TBL1X: variants seen among roughly 807,000 people sequenced by gnomAD.
TBL1X encodes the protein transducin beta like 1 X-linked.
TBL1X carries 10 observed loss-of-function variants against 50.7 expected under a neutral mutation model. That is an observed-to-expected ratio of 0.20 (90% CI 0.12 to 0.33). TBL1X has a LOEUF of 0.33. TBL1X is among the 10% of genes least tolerant of loss of function. TBL1X has a pLI of 1.00. For synonymous variants in TBL1X, 190 were observed against 214.7 expected (o/e 0.88, Z 1.01); for missense variants, 340 against 504.4 (o/e 0.67, Z 3.12).
Position 9,603,519 on chromosome X carries a change from G to A in TBL1X, c.-130-36754G>A, listed in dbSNP as rs191934237. On this transcript the variant is annotated intron_variant, in intron 2 of 17. Coordinates refer to ENST00000645353, the MANE Select transcript of TBL1X (RefSeq NM_005647.4). ...CTTGTACACTCTCACAGAACACCGAGGGACACGGTGGAGGCACGCCGGACC... is the reference window on the plus strand; with the variant it reads ...CTTGTACACTCTCACAGAACACCGAAGGACACGGTGGAGGCACGCCGGACC... 2.7e-4 allele frequency among the ~76,000 whole-genome samples: 30 copies of A among 111,992 alleles called. No individual in the cohort carries two copies. The East Asian group carries it at 7.3e-3, about 27-fold the overall frequency.
chrX:9,606,930 A>C (rs992624209), intron 2 of TBL1X, among the ~76,000 whole-genome samples: 3 of 112,160 alleles, frequency 2.7e-5, no homozygotes, highest in Non-Finnish European at 5.6e-5. Context: ...TCCCTTTCAA[A>C]AGAACAAAAC....
intron 5 of TBL1X, among the ~76,000 whole-genome samples, chrX:9,683,244 C>A (rs929848077): frequency 8.9e-6 from 1 of 111,857 alleles, no homozygotes. Flanking sequence ...AAGCAGGCGC[C>A]ATCCACAAGA....
At chrX:9,583,066 A>G (rs768606479) in intron 2 of TBL1X, among the ~76,000 whole-genome samples, 2 of 112,757 alleles carry the variant, frequency 1.8e-5, no homozygotes, top group Non-Finnish European at 3.7e-5. Context: ...TAACGAAAAG[A>G]CCACAGACTA....
chrX:9,515,367 A>G (rs138315325), intron 2 of TBL1X, among the ~76,000 whole-genome samples: 123 of 112,019 alleles, frequency 1.1e-3, no homozygotes, highest in Non-Finnish European at 2.0e-3. Context: ...CTCATAATAG[A>G]CAGGAACCCA....
chrX:9,592,432 A>C (rs1319996909), intron 2 of TBL1X, among the ~76,000 whole-genome samples: 2 of 111,952 alleles, frequency 1.8e-5, no homozygotes, highest in Non-Finnish European at 3.8e-5. Flanking sequence ...CACGTTACTA[A>C]AACTTTCATG....
intron 5 of TBL1X, among the ~76,000 whole-genome samples, chrX:9,671,722 A>G (rs961210491): frequency 1.8e-5 from 2 of 112,522 alleles, no homozygotes; most frequent in Non-Finnish European, 3.7e-5. Flanking sequence ...ACAGTGGTGT[A>G]GGTTTGCAGA....
chrX:9,553,843 A>G (rs774249740), intron 2 of TBL1X, among the ~76,000 whole-genome samples: 4 of 112,121 alleles, frequency 3.6e-5, no homozygotes, highest in Non-Finnish European at 7.5e-5. Flanking sequence ...GAAATTAGCT[A>G]AAATTATAGA....
intron 2 of TBL1X, among the ~76,000 whole-genome samples, chrX:9,508,710 G>A (rs1422739385): frequency 2.7e-5 from 3 of 111,832 alleles, no homozygotes; most frequent in Admixed American, 9.5e-5. Context: ...GTGATAGACT[G>A]GATAAAGAAA....
At chrX:9,483,212 G>T (rs1379887674) in intron 1 of TBL1X, among the ~76,000 whole-genome samples, 2 of 111,710 alleles carry the variant, frequency 1.8e-5, no homozygotes, top group African/African-American at 6.5e-5. Flanking sequence ...AGCTGTAAAT[G>T]AGGTATTTAC....
chrX:9,682,864 G>C (rs1020470968), intron 5 of TBL1X, among the ~76,000 whole-genome samples: 2 of 111,921 alleles, frequency 1.8e-5, no homozygotes, highest in Admixed American at 9.4e-5. Context: ...CTGCTCATTT[G>C]CCTCATGCAT....
chrX:9,478,779 T>G (rs959621287), intron 1 of TBL1X, among the ~76,000 whole-genome samples: 3 of 112,382 alleles, frequency 2.7e-5, no homozygotes, highest in African/African-American at 9.7e-5. Context: ...AAAATTTTCT[T>G]TTCTCTGAAC....
At chrX:9,668,116 A>G (rs1013607337) in intron 5 of TBL1X, among the ~76,000 whole-genome samples, 4 of 112,005 alleles carry the variant, frequency 3.6e-5, no homozygotes, top group African/African-American at 1.3e-4. Flanking sequence ...TAAGATTCCT[A>G]TAATTCTGAT....
At chrX:9,584,147 G>T (rs2082456325) in intron 2 of TBL1X, among the ~76,000 whole-genome samples, 1 of 111,962 alleles carries the variant, frequency 8.9e-6, no homozygotes, top group South Asian at 3.7e-4. Context: ...ATTGCAAGAG[G>T]TCCAGCCTCT....
intron 5 of TBL1X, among the ~76,000 whole-genome samples, chrX:9,655,432 T>TAG (rs1489907135): frequency 9.0e-6 from 1 of 111,444 alleles, no homozygotes; most frequent in Non-Finnish European, 1.9e-5. Flanking sequence ...ATTCGGAATT[T>TAG]ACCCTCCTCC....
intron 7 of TBL1X, among the ~76,000 whole-genome samples, chrX:9,690,301 GT>G (rs1162491278): frequency 1.8e-5 from 2 of 112,360 alleles, no homozygotes; most frequent in Non-Finnish European, 3.8e-5. Flanking sequence ...ACACCAGGCT[GT>G]TTAAGAATTT....
chrX:9,626,551 C>T (rs986446203), intron 2 of TBL1X, among the ~76,000 whole-genome samples: 4 of 112,063 alleles, frequency 3.6e-5, no homozygotes, highest in East Asian at 2.8e-4. Context: ...AGTGCTTCAT[C>T]GTGGTAGAAG....
chrX:9,661,993 G>A (rs988125340), intron 5 of TBL1X, among the ~76,000 whole-genome samples: 16 of 111,406 alleles, frequency 1.4e-4, no homozygotes, highest in African/African-American at 4.9e-4. Flanking sequence ...ATTCAAGAGG[G>A]GTCCTGGGAG....
chrX:9,625,864 G>A (rs1010907498), intron 2 of TBL1X, among the ~76,000 whole-genome samples: 3 of 112,159 alleles, frequency 2.7e-5, no homozygotes, highest in Admixed American at 9.5e-5. Context: ...GCTTGAACCC[G>A]GCGGGGGGGC....
At chrX:9,470,250 A>G (rs779482591) in intron 1 of TBL1X, among the ~76,000 whole-genome samples, 2 of 112,634 alleles carry the variant, frequency 1.8e-5, no homozygotes, top group East Asian at 2.8e-4. Flanking sequence ...AAACAATCCA[A>G]TTATACTCTT....
Sources: allele counts gnomAD v4.1 joint callset (sites outside exome capture counted in the v4.1 genomes callset), GRCh38; gene constraint gnomAD v4.1.1; transcripts MANE v1.5; gene names NCBI Gene and HGNC (gene_info 2026-07-23, HGNC 2026-07-21).